KALRN: variants seen among roughly 807,000 people sequenced by gnomAD.
KALRN encodes the protein kalirin.
Under a neutral mutation model 353.7 loss-of-function variants are expected in KALRN, and 70 were observed. The ratio of observed to expected loss-of-function variants is 0.20; its 90% confidence interval spans 0.16 to 0.24. The LOEUF (loss-of-function observed/expected upper bound fraction) is 0.24. Among genes scored for constraint, KALRN ranks in the 10% least tolerant of loss-of-function variants. The probability of loss-of-function intolerance (pLI) is 1.00; values close to 1 mark genes in which losing one functional copy is unlikely to be tolerated. For missense variants in KALRN, 2,791 were observed against 3,756.7 expected (o/e 0.74, Z 6.72); for synonymous variants, 1,391 against 1,434.8 (o/e 0.97, Z 0.69).
chr3:124,284,723 G>A (rs910443675), intron 5 of KALRN, among the ~76,000 whole-genome samples: 4 of 152,216 alleles, frequency 2.6e-5, no homozygotes, highest in African/African-American at 9.7e-5. Context: ...AACATCATGA[G>A]GGTGTGACTC....
intron 14 of KALRN, among the ~76,000 whole-genome samples, chr3:124,415,280 G>A (rs2150290988): frequency 6.6e-6 from 1 of 152,320 alleles, no homozygotes; most frequent in East Asian, 1.9e-4. Context: ...TGGAACTTGG[G>A]CAACAGCAAA....
At chr3:124,138,728 T>A (rs912360181) in intron 1 of KALRN, among the ~76,000 whole-genome samples, 7 of 152,142 alleles carry the variant, frequency 4.6e-5, no homozygotes, top group African/African-American at 1.7e-4. Flanking sequence ...AGGGGGCCTG[T>A]ATGGCAGAGT....
chr3:124,245,072 A>G (rs528818588), intron 3 of KALRN, among the ~76,000 whole-genome samples: 1 of 152,278 alleles, frequency 6.6e-6, no homozygotes, highest in East Asian at 1.9e-4. Context: ...CTACTGTGCT[A>G]TCAAACACTA....
chr3:124,249,815 A>G (rs1580029319), intron 3 of KALRN, among the ~76,000 whole-genome samples: 1 of 151,972 alleles, frequency 6.6e-6, no homozygotes, highest in African/African-American at 2.4e-5. Context: ...GCAAGCCTTC[A>G]CCTCCCACAG....
At chr3:124,166,654 C>G (rs944402918) in intron 1 of KALRN, among the ~76,000 whole-genome samples, 1 of 152,186 alleles carries the variant, frequency 6.6e-6, no homozygotes, top group Non-Finnish European at 1.5e-5. Context: ...AGGGATTCCT[C>G]TGGAAATCAG....
At chr3:124,632,767 G>A (rs766442160) in intron 35 of KALRN, 64 bp downstream of exon 35, 89 of 1,500,018 alleles carry the variant, frequency 5.9e-5, no homozygotes, top group African/African-American at 9.7e-5. Flanking sequence ...CCTTCCTCAG[G>A]TTTTGTCAAC....
intron 19 of KALRN, among the ~76,000 whole-genome samples, chr3:124,443,404 A>G (rs965506134): frequency 6.6e-6 from 1 of 152,194 alleles, no homozygotes; most frequent in African/African-American, 2.4e-5. Flanking sequence ...TCTGCTTAAG[A>G]AGAGCTTCCC....
intron 1 of KALRN, among the ~76,000 whole-genome samples, chr3:124,041,836 T>A (rs1355455713): frequency 6.6e-6 from 1 of 152,190 alleles, no homozygotes. Flanking sequence ...TGCTTGAAAT[T>A]GTGTCTGCCT....
At chr3:124,492,621 C>A in intron 31 of KALRN, 119 bp from the exon 32 acceptor site, 2 of 1,073,570 alleles carry the variant, frequency 1.9e-6, no homozygotes, top group Non-Finnish European at 1.3e-6. Flanking sequence ...GAGAAATAAA[C>A]TCCCCAGACA....
rs140557803 is a variant in KALRN at position 124,661,884 on chromosome 3, C to T, written c.6301C>T (p.Arg2101Cys). 1.9e-5 allele frequency: 30 copies of T among 1,614,014 alleles called. No homozygotes were observed. The highest frequency in any genetic ancestry group is 1.0e-4 in the Admixed American group (6 of 59,998). The change falls in exon 45 of 60, where the codon CGC becomes TGC. Residue 2101 changes from arginine to cysteine, a missense_variant. This residue lies in a region of KALRN where 1,065 missense variants were observed against 1,156.4 expected (regional missense o/e 0.92). Coordinates refer to ENST00000682506, the MANE Select transcript of KALRN (RefSeq NM_001388419.1). The part of the protein sequence containing the change: ...AVELMCLVPK[R>C]CNDMMNLGRL... The stretch of plus-strand genomic sequence containing the variant: ...GGAGTTAATGTGCCTTGTTCCCAAA[C>T]GCTGCAATGACATGATGAATCTAGG...
rs149954198 is a variant in KALRN at position 124,466,565 on chromosome 3, ACTT to A, written c.4031+3937_4031+3939del. Reference sequence around the variant, plus strand: ...GCTCATCACCTTCTGTTAAATCTGAACTTCTTCCTTTTTGGTTTTTTGGAGATA... The same window carrying A: ...GCTCATCACCTTCTGTTAAATCTGAACTTCCTTTTTGGTTTTTTGGAGATA... On this transcript the variant is annotated intron_variant, in intron 25 of 59. Coordinates refer to ENST00000682506, the MANE Select transcript of KALRN (RefSeq NM_001388419.1). Among the ~76,000 whole-genome samples, 595 of 152,298 alleles carry A rather than the reference ACTT, an allele frequency of 3.9e-3. 14 individuals are homozygous for A. The East Asian group carries it at 0.072, about 19-fold the overall frequency.
chr3:124,158,606 A>G (rs748494253), intron 1 of KALRN, among the ~76,000 whole-genome samples: 2 of 152,190 alleles, frequency 1.3e-5, no homozygotes, highest in African/African-American at 4.8e-5. Flanking sequence ...ACTGAAAGCA[A>G]TCCCTGACAT....
chr3:124,128,916 G>A (rs2064983930), intron 1 of KALRN, among the ~76,000 whole-genome samples: 1 of 152,056 alleles, frequency 6.6e-6, no homozygotes, highest in Admixed American at 6.5e-5. Flanking sequence ...TAGCTGCCCT[G>A]TTGGCTTGGT....
chr3:124,644,051 T>C (rs1296611434), intron 37 of KALRN, among the ~76,000 whole-genome samples: 5 of 152,246 alleles, frequency 3.3e-5, no homozygotes, highest in Non-Finnish European at 1.5e-5. Flanking sequence ...ATAATCCTCA[T>C]GTAGATTAGG....
At chr3:124,546,759 C>A (rs544769822) in intron 33 of KALRN, among the ~76,000 whole-genome samples, 1 of 152,184 alleles carries the variant, frequency 6.6e-6, no homozygotes, top group Admixed American at 6.5e-5. Context: ...CTAGTGAAGC[C>A]TTTTCAGGGA....
chr3:124,241,471 G>A (rs1418281153), intron 3 of KALRN, among the ~76,000 whole-genome samples: 1 of 152,090 alleles, frequency 6.6e-6, no homozygotes, highest in African/African-American at 2.4e-5. Context: ...GTTTCTCTTA[G>A]CTAACTGAAA....
At chr3:124,473,286 G>T (rs1051238433) in intron 25 of KALRN, among the ~76,000 whole-genome samples, 1 of 152,212 alleles carries the variant, frequency 6.6e-6, no homozygotes, top group Non-Finnish European at 1.5e-5. Context: ...GTACAGGTAA[G>T]TAGTAGAGTA....
At chr3:124,692,609 AAC>A (rs1244562743) in intron 51 of KALRN, among the ~76,000 whole-genome samples, 1 of 152,248 alleles carries the variant, frequency 6.6e-6, no homozygotes, top group African/African-American at 2.4e-5. Flanking sequence ...CCACTTTAAT[AAC>A]AGTCTGCTTA....
At chr3:124,397,553 A>C (rs2090314924) in intron 12 of KALRN, among the ~76,000 whole-genome samples, 1 of 152,222 alleles carries the variant, frequency 6.6e-6, no homozygotes, top group African/African-American at 2.4e-5. Context: ...CAAGATAATG[A>C]ATGTGCCAGT....
Sources: gnomAD v4.1 joint callset for allele counts (sites outside exome capture counted in the v4.1 genomes callset) on GRCh38, gnomAD v4.1.1 for gene constraint, gnomAD v4.1.1 regional missense constraint, MANE v1.5 for transcripts, NCBI Gene and HGNC (gene_info 2026-07-23, HGNC 2026-07-21) for gene names.